Variants in CPAMD8 observed in about 807,000 individuals in gnomAD.
The protein encoded by CPAMD8 is C3 and PZP-like alpha-2-macroglobulin domain-containing protein 8.
Under a neutral mutation model 224.7 loss-of-function variants are expected in CPAMD8, and 146 were observed. That is an observed-to-expected ratio of 0.65 (90% CI 0.57 to 0.75). The LOEUF (loss-of-function observed/expected upper bound fraction) is 0.75, where lower values mean the gene tolerates loss of function less well. CPAMD8 is among the 30% of genes least tolerant of loss of function. CPAMD8 has a pLI of 0.00. For synonymous variants in CPAMD8, 966 were observed against 1,044.6 expected (o/e 0.92, Z 1.45); for missense variants, 2,301 against 2,537.5 (o/e 0.91, Z 2.00).
intron 29 of CPAMD8, among the ~76,000 whole-genome samples, chr19:16,911,385 A>T (rs987771715): frequency 1.0e-4 from 15 of 149,626 alleles, no homozygotes; most frequent in Admixed American, 8.0e-4. Context: ...TTTTTGAGAC[A>T]GAGTCTGGCT....
chr19:17,017,028 G>A (rs1440610309), intron 3 of CPAMD8, among the ~76,000 whole-genome samples: 1 of 152,126 alleles, frequency 6.6e-6, no homozygotes, highest in Non-Finnish European at 1.5e-5. Context: ...TGAGCAGTGG[G>A]TGAGCAAATG....
At chr19:16,913,087 A>G (rs1453752320) in intron 29 of CPAMD8, among the ~76,000 whole-genome samples, 1 of 152,200 alleles carries the variant, frequency 6.6e-6, no homozygotes, top group Non-Finnish European at 1.5e-5. Context: ...AAAGGAGGGT[A>G]GCAATTGTGC....
At chr19:16,955,244 G>A (rs1478111404) in intron 19 of CPAMD8, among the ~76,000 whole-genome samples, 1 of 151,664 alleles carries the variant, frequency 6.6e-6, no homozygotes, top group African/African-American at 2.4e-5. Context: ...GCAGTGAGCC[G>A]AGATTGTGCC....
intron 6 of CPAMD8, chr19:17,008,784 G>A: frequency 1.7e-6 from 1 of 597,218 alleles, no homozygotes; most frequent in Non-Finnish European, 3.0e-6. Context: ...AGGGAGCCGT[G>A]TACAAACCTA....
intron 2 of CPAMD8, 27 bp from the exon 3 acceptor site, chr19:17,020,380 G>C: frequency 1.9e-6 from 3 of 1,544,286 alleles, no homozygotes; most frequent in Non-Finnish European, 2.7e-6. Context: ...AATGAAAAAA[G>C]TTAAATCAAG....
At chr19:16,906,368 TTC>T (rs2052492966) in intron 30 of CPAMD8, among the ~76,000 whole-genome samples, 1 of 82,040 alleles carries the variant, frequency 1.2e-5, no homozygotes, top group South Asian at 4.6e-4. Context: ...CTTTCTTTCT[TTC>T]TTTCTTTCTT....
chr19:16,924,609 C>T lies in CPAMD8; in HGVS notation c.3547+587G>A, dbSNP rs2431809. Reference sequence around the variant, plus strand: ...CTTTTTTATTTTTTACAGTTGGGGTCTCACTCTGTCACCCTGGCTGGAGTG... The same window carrying T: ...CTTTTTTATTTTTTACAGTTGGGGTTTCACTCTGTCACCCTGGCTGGAGTG... On this transcript the variant is annotated intron_variant, in intron 26 of 41. Coordinates refer to ENST00000443236, the MANE Select transcript of CPAMD8 (RefSeq NM_015692.5). 4.6e-3 allele frequency among the ~76,000 whole-genome samples: 701 copies of T among 152,314 alleles called. 4 individuals are homozygous for T. Among genetic ancestry groups the T allele is most frequent in the African/African-American group, 0.016 (684 of 41,570 alleles).
At chr19:16,921,878 G>A (rs1403136994) in intron 27 of CPAMD8, 27 bp downstream of exon 27, 4 of 1,488,608 alleles carry the variant, frequency 2.7e-6, no homozygotes, top group East Asian at 2.5e-5. Context: ...AGCCTCAGAG[G>A]CAATGCCCAG....
At chr19:16,989,876 T>C in intron 12 of CPAMD8, 105 bp from the exon 13 acceptor site, 2 of 1,072,890 alleles carry the variant, frequency 1.9e-6, no homozygotes, top group Non-Finnish European at 2.8e-6. Flanking sequence ...CCTCTCATGC[T>C]CCAATATCCC....
chr19:16,945,272 T>C (rs570407211), intron 22 of CPAMD8, among the ~76,000 whole-genome samples: 69 of 152,272 alleles, frequency 4.5e-4, no homozygotes, highest in African/African-American at 1.4e-3. Context: ...TCTTCCTAAA[T>C]AGTTCACCCA....
In CPAMD8 at chr19:16,893,231, A is replaced by G. The variant is rs2051828945; in HGVS notation, c.5535T>C (p.His1845=). The G allele has an allele frequency of 1.9e-6, 3 of 1,585,678 alleles. No individual in the cohort carries two copies. Among genetic ancestry groups the G allele is most frequent in the Middle Eastern group, 1.7e-4 (1 of 6,012 alleles). The change falls in exon 42 of 42, where the codon CAT becomes CAC. Residue 1845 remains histidine (H), a synonymous_variant. Coordinates refer to ENST00000443236, the MANE Select transcript of CPAMD8 (RefSeq NM_015692.5). ...RWGQTPAPQR[H]SGRVVGAHRP... The stretch of plus-strand genomic sequence containing the variant: ...TGTGGGCCCCCACCACCCGGCCACT[A>G]TGTCTCTGAGGGGCCGGAGTCTGGC...
At chr19:16,984,356 G>T (rs1343158148) in intron 13 of CPAMD8, among the ~76,000 whole-genome samples, 4 of 142,362 alleles carry the variant, frequency 2.8e-5, no homozygotes, top group African/African-American at 1.0e-4. Flanking sequence ...GAGAGAGAAT[G>T]AATTTGGATC....
At chr19:17,004,634 C>G (rs546884009) in intron 7 of CPAMD8, among the ~76,000 whole-genome samples, 3 of 152,106 alleles carry the variant, frequency 2.0e-5, no homozygotes, top group Non-Finnish European at 4.4e-5. Flanking sequence ...GTTCCCGGGA[C>G]AGCCTTGCAG....
At chr19:16,960,484 T>C (rs935426711) in intron 18 of CPAMD8, among the ~76,000 whole-genome samples, 2 of 151,886 alleles carry the variant, frequency 1.3e-5, no homozygotes, top group Admixed American at 6.6e-5. Context: ...TAAACATGCA[T>C]TTACTGATAT....
intron 13 of CPAMD8, among the ~76,000 whole-genome samples, chr19:16,985,596 AATGG>A (rs1357321282): frequency 2.2e-5 from 3 of 138,058 alleles, no homozygotes; most frequent in African/African-American, 8.3e-5. Context: ...AGGGAGAGTA[AATGG>A]ATGGATGGAT....
intron 1 of CPAMD8, among the ~76,000 whole-genome samples, chr19:17,023,981 C>T (rs1340959343): frequency 6.6e-6 from 1 of 152,122 alleles, no homozygotes; most frequent in Non-Finnish European, 1.5e-5. Context: ...ATCTTAGTAA[C>T]AGATCTAAAT....
At chr19:16,999,346 C>T (rs926902168) in intron 10 of CPAMD8, among the ~76,000 whole-genome samples, 65 of 151,716 alleles carry the variant, frequency 4.3e-4, no homozygotes, top group African/African-American at 1.3e-3. Context: ...TTTGGGAGGC[C>T]GAGGCAGGTG....
At chr19:16,946,538 T>C (rs1357433485) in intron 21 of CPAMD8, among the ~76,000 whole-genome samples, 1 of 150,294 alleles carries the variant, frequency 6.7e-6, no homozygotes, top group Non-Finnish European at 1.5e-5. Context: ...TGAATGCATG[T>C]CTACACATGT....
intron 28 of CPAMD8, 23 bp from the exon 29 acceptor site, chr19:16,914,521 C>T (rs1377327305): frequency 6.2e-6 from 10 of 1,613,020 alleles, no homozygotes; most frequent in Non-Finnish European, 7.6e-6. Flanking sequence ...TCACAGGCCT[C>T]ACCCTAAGCC....
Sources: allele counts gnomAD v4.1 joint callset (sites outside exome capture counted in the v4.1 genomes callset), GRCh38; gene constraint gnomAD v4.1.1; transcripts MANE v1.5; gene names NCBI Gene and HGNC (gene_info 2026-07-23, HGNC 2026-07-21).